Variants in MTA3 observed in about 807,000 individuals in gnomAD.
MTA3 encodes the protein metastasis-associated protein MTA3.
A neutral mutation model predicts 83.5 loss-of-function variants in MTA3; 34 were observed. That is an observed-to-expected ratio of 0.41 (90% CI 0.31 to 0.54). The LOEUF is 0.54. MTA3 is among the 20% of genes least tolerant of loss of function. The pLI is 0.33. For synonymous variants in MTA3, 303 were observed against 252.7 expected (o/e 1.20, Z -1.89); for missense variants, 761 against 726.4 (o/e 1.05, Z -0.55).
At chr2:42,498,090 C>A (rs567432359) in intron 2 of MTA3, among the ~76,000 whole-genome samples, 1 of 152,204 alleles carries the variant, frequency 6.6e-6, no homozygotes, top group Non-Finnish European at 1.5e-5. Context: ...TTGAAATACC[C>A]TGTGGGCACT....
At chr2:42,632,844 T>G (rs907824357) in intron 4 of MTA3, among the ~76,000 whole-genome samples, 2 of 152,092 alleles carry the variant, frequency 1.3e-5, no homozygotes, top group African/African-American at 4.8e-5. Flanking sequence ...TGTGGCTTCT[T>G]TTAAGTTTTA....
At chr2:42,729,323 G>T (rs977977415) in intron 16 of MTA3, among the ~76,000 whole-genome samples, 1 of 151,698 alleles carries the variant, frequency 6.6e-6, no homozygotes, top group African/African-American at 2.4e-5. Flanking sequence ...GGATGATCTC[G>T]ATCCCCTGAC....
intron 16 of MTA3, among the ~76,000 whole-genome samples, chr2:42,729,615 T>G (rs941699303): frequency 3.3e-5 from 5 of 152,204 alleles, no homozygotes; most frequent in African/African-American, 1.2e-4. Flanking sequence ...TGTATAGATT[T>G]GTTTCTGGGT....
chr2:42,704,529 C>T (rs1167675354), intron 12 of MTA3, among the ~76,000 whole-genome samples: 2 of 152,166 alleles, frequency 1.3e-5, no homozygotes, highest in African/African-American at 2.4e-5. Flanking sequence ...TCAAGTTAGG[C>T]ATTGGATTTC....
intron 3 of MTA3, among the ~76,000 whole-genome samples, chr2:42,598,850 A>G (rs908865805): frequency 1.3e-5 from 2 of 152,156 alleles, no homozygotes; most frequent in African/African-American, 4.8e-5. Context: ...CCCCTGGAGG[A>G]CTTTCACATT....
chr2:42,497,942 GAAACAAAAA>G (rs1195708982), intron 2 of MTA3, among the ~76,000 whole-genome samples: 1 of 152,142 alleles, frequency 6.6e-6, no homozygotes, highest in Non-Finnish European at 1.5e-5. Flanking sequence ...AGAGTAACCT[GAAACAAAAA>G]ATTCAGTAAA....
intron 3 of MTA3, among the ~76,000 whole-genome samples, chr2:42,585,184 G>C (rs1355436021): frequency 6.6e-6 from 1 of 152,100 alleles, no homozygotes; most frequent in Non-Finnish European, 1.5e-5. Flanking sequence ...CCACCTCCTG[G>C]GTTCAGGCAA....
chr2:42,546,955 G>A (rs1676784292), intron 2 of MTA3, among the ~76,000 whole-genome samples: 3 of 152,202 alleles, frequency 2.0e-5, no homozygotes, highest in Admixed American at 2.0e-4. Context: ...CTTTACAGAG[G>A]TGGTAAGAAA....
At chr2:42,572,170 T>C (rs1678564602) in intron 2 of MTA3, among the ~76,000 whole-genome samples, 1 of 151,766 alleles carries the variant, frequency 6.6e-6, no homozygotes, top group Admixed American at 6.6e-5. Flanking sequence ...TCTCAGCTAC[T>C]TGGGAGGCTG....
chr2:42,645,036 G>A (rs1475497416), intron 6 of MTA3, among the ~76,000 whole-genome samples: 1 of 152,118 alleles, frequency 6.6e-6, no homozygotes, highest in African/African-American at 2.4e-5. Context: ...TGAGGAAGGC[G>A]TGTCAGAAGC....
At chr2:42,539,892 T>C (rs1187695514) in intron 2 of MTA3, among the ~76,000 whole-genome samples, 3 of 152,124 alleles carry the variant, frequency 2.0e-5, no homozygotes, top group African/African-American at 7.2e-5. Context: ...AAGCTCTTGA[T>C]AAGCTACACT....
chr2:42,598,756 G>C (rs1209568909), intron 3 of MTA3, among the ~76,000 whole-genome samples: 1 of 152,138 alleles, frequency 6.6e-6, no homozygotes, highest in African/African-American at 2.4e-5. Flanking sequence ...TACCCTTCCT[G>C]TGTTGAGGGT....
At chr2:42,509,772 A>G (rs1187531573) in intron 2 of MTA3, among the ~76,000 whole-genome samples, 2 of 151,634 alleles carry the variant, frequency 1.3e-5, no homozygotes, top group Non-Finnish European at 3.0e-5. Flanking sequence ...CCCTGTCGCA[A>G]AAAACAAAAA....
chr2:42,596,875 C>T (rs1681848336), intron 3 of MTA3, among the ~76,000 whole-genome samples: 1 of 151,786 alleles, frequency 6.6e-6, no homozygotes, highest in African/African-American at 2.4e-5. Flanking sequence ...CATTTTTATA[C>T]TTGAAGTAGC....
At chr2:42,572,207 G>A (rs1678569102) in intron 2 of MTA3, among the ~76,000 whole-genome samples, 1 of 151,434 alleles carries the variant, frequency 6.6e-6, no homozygotes, top group Non-Finnish European at 1.5e-5. Context: ...TGAACCTGGG[G>A]GGTGGAGCTT....
intron 14 of MTA3, among the ~76,000 whole-genome samples, chr2:42,713,908 A>G (rs546230140): frequency 1.3e-5 from 2 of 152,354 alleles, no homozygotes; most frequent in East Asian, 3.9e-4. Context: ...CTGATGTATA[A>G]AATGGGAATG....
intron 4 of MTA3, among the ~76,000 whole-genome samples, chr2:42,612,585 G>A (rs1048592857): frequency 1.3e-5 from 2 of 152,086 alleles, no homozygotes; most frequent in East Asian, 3.8e-4. Context: ...TGTGGGGCTG[G>A]GTGTGGTGGC....
intron 16 of MTA3, among the ~76,000 whole-genome samples, chr2:42,732,351 C>A (rs1243633027): frequency 6.6e-6 from 1 of 152,218 alleles, no homozygotes; most frequent in Admixed American, 6.5e-5. Context: ...GCTGCCAAGG[C>A]TTGGGGTTTC....
At chr2:42,659,737 C>T in intron 7 of MTA3, 26 bp from the exon 8 acceptor site, 2 of 1,473,728 alleles carry the variant, frequency 1.4e-6, no homozygotes, top group Non-Finnish European at 1.8e-6. Flanking sequence ...CTTAATTCTT[C>T]CTTATTGTGT....
Sources: allele counts gnomAD v4.1 joint callset (sites outside exome capture counted in the v4.1 genomes callset), GRCh38; gene constraint gnomAD v4.1.1; transcripts MANE v1.5; gene names NCBI Gene and HGNC (gene_info 2026-07-23, HGNC 2026-07-21).